Variants in ST8SIA1 observed in about 807,000 individuals in gnomAD.
ST8SIA1 encodes the protein alpha-N-acetylneuraminide alpha-2,8-sialyltransferase.
A neutral mutation model predicts 35.9 loss-of-function variants in ST8SIA1; 16 were observed. The observed-to-expected ratio is 0.45, with a 90% CI of 0.30 to 0.68. The LOEUF is 0.68. Ranked by LOEUF, ST8SIA1 falls within the 30% of genes least tolerant of loss-of-function variation. The pLI, the probability that ST8SIA1 is intolerant of heterozygous loss-of-function variation, is 0.09. For missense variants in ST8SIA1, 383 were observed against 453.6 expected, an observed-to-expected ratio of 0.84 and a Z score of 1.41; for synonymous variants, 170 against 169.6, an observed-to-expected ratio of 1.00 and a Z score of -0.02.
At chr12:22,325,368 G>A in intron 1 of ST8SIA1, 1 of 694,570 alleles carries the variant, frequency 1.4e-6, no homozygotes, top group African/African-American at 1.8e-5. Flanking sequence ...AGAATGTGTG[G>A]CTCTGAATTC....
chr12:22,323,851 G>C (rs1866637508), intron 1 of ST8SIA1, among the ~76,000 whole-genome samples: 1 of 152,124 alleles, frequency 6.6e-6, no homozygotes, highest in Non-Finnish European at 1.5e-5. Context: ...CACCTGTCAG[G>C]GTTGGGGTGA....
At chr12:22,287,960 G>A (rs571159654) in intron 1 of ST8SIA1, among the ~76,000 whole-genome samples, 4 of 152,266 alleles carry the variant, frequency 2.6e-5, no homozygotes, top group South Asian at 2.1e-4. Context: ...GTTTGACACC[G>A]TGATGAGCTC....
chr12:22,332,170 G>A (rs1379562751), intron 1 of ST8SIA1, among the ~76,000 whole-genome samples: 3 of 152,158 alleles, frequency 2.0e-5, no homozygotes, highest in Non-Finnish European at 4.4e-5. Flanking sequence ...AACTTTGAGG[G>A]ATATGTGTTT....
At chr12:22,270,796 T>C (rs139720403) in intron 2 of ST8SIA1, among the ~76,000 whole-genome samples, 2 of 152,344 alleles carry the variant, frequency 1.3e-5, no homozygotes, top group South Asian at 2.1e-4. Flanking sequence ...TTGTACCCCA[T>C]AAATTTACAC....
At chr12:22,216,514 C>T (rs1865235191) in intron 4 of ST8SIA1, among the ~76,000 whole-genome samples, 1 of 152,200 alleles carries the variant, frequency 6.6e-6, no homozygotes, top group Non-Finnish European at 1.5e-5. Flanking sequence ...CAGAACTCAA[C>T]TCATGGTATC....
At chr12:22,251,837 G>A (rs1188240103) in intron 3 of ST8SIA1, among the ~76,000 whole-genome samples, 1 of 152,160 alleles carries the variant, frequency 6.6e-6, no homozygotes, top group Non-Finnish European at 1.5e-5. Context: ...AGTGGGAAAT[G>A]GGCTTGAGAG....
chr12:22,329,585 T>C (rs938458384), intron 1 of ST8SIA1, among the ~76,000 whole-genome samples: 3 of 152,126 alleles, frequency 2.0e-5, no homozygotes, highest in Non-Finnish European at 4.4e-5. Flanking sequence ...TTACAAACAC[T>C]AAACTTATAT....
At chr12:22,260,881 T>TG (rs1360290164) in intron 2 of ST8SIA1, among the ~76,000 whole-genome samples, 4 of 147,208 alleles carry the variant, frequency 2.7e-5, no homozygotes, top group Non-Finnish European at 4.5e-5. Flanking sequence ...GTTGTTTTTT[T>TG]TTTTTTTTTT....
chr12:22,325,619 A>G, intron 1 of ST8SIA1: 1 of 625,318 alleles, frequency 1.6e-6, no homozygotes, highest in African/African-American at 1.8e-5. Flanking sequence ...TGTGGAGGAT[A>G]CATTCCAAGA....
chr12:22,252,311 A>C (rs184796066), intron 3 of ST8SIA1, among the ~76,000 whole-genome samples: 72 of 152,318 alleles, frequency 4.7e-4, no homozygotes, highest in Non-Finnish European at 7.8e-4. Flanking sequence ...GACATACGAC[A>C]TGCTTTCTAA....
chr12:22,316,803 C>A (rs563573286), intron 1 of ST8SIA1, among the ~76,000 whole-genome samples: 1 of 152,072 alleles, frequency 6.6e-6, no homozygotes, highest in Non-Finnish European at 1.5e-5. Context: ...GGCTAAGACA[C>A]ATGAATGTGC....
intron 2 of ST8SIA1, among the ~76,000 whole-genome samples, chr12:22,275,057 A>G (rs3819866): frequency 0.092 from 14,084 of 152,262 alleles, 784 homozygotes; most frequent in East Asian, 0.15. Context: ...CAACACTGCC[A>G]GGTGGTTGAG....
At chr12:22,244,190 A>G (rs970700852) in intron 4 of ST8SIA1, among the ~76,000 whole-genome samples, 9 of 152,182 alleles carry the variant, frequency 5.9e-5, no homozygotes, top group African/African-American at 2.2e-4. Context: ...TCCATCACTT[A>G]GCATACTCTT....
In ST8SIA1 at chr12:22,317,144, C is replaced by T. The variant is rs377160584; in HGVS notation, c.236+16853G>A. On this transcript the variant is annotated intron_variant, in intron 1 of 4. Transcript: ENST00000396037. ...AAAAGAAAAGGAGAAACATTATGGT[C>T]AACTCTAAAATCATTTTACATTTTA... 1.6e-3 allele frequency among the ~76,000 whole-genome samples: 245 copies of T among 152,174 alleles called. 1 individual carries two copies. The highest frequency in any genetic ancestry group is 5.7e-3 in the African/African-American group (237 of 41,518).
chr12:22,327,937 C>A (rs956828452), intron 1 of ST8SIA1, among the ~76,000 whole-genome samples: 1 of 152,152 alleles, frequency 6.6e-6, no homozygotes, highest in Non-Finnish European at 1.5e-5. Flanking sequence ...TTCTTAAATC[C>A]TGTCGATAGG....
chr12:22,218,410 G>C (rs2120655248), intron 4 of ST8SIA1, among the ~76,000 whole-genome samples: 1 of 151,700 alleles, frequency 6.6e-6, no homozygotes, highest in South Asian at 2.1e-4. Context: ...TTGAGGTCAG[G>C]AGTTCCAGAC....
chr12:22,291,983 T>A (rs146777990), intron 1 of ST8SIA1, among the ~76,000 whole-genome samples: 1 of 152,280 alleles, frequency 6.6e-6, no homozygotes, highest in African/African-American at 2.4e-5. Flanking sequence ...TAAAGCAGAA[T>A]AACAGAGTTG....
intron 2 of ST8SIA1, among the ~76,000 whole-genome samples, chr12:22,266,510 T>C (rs954084590): frequency 6.6e-6 from 1 of 151,238 alleles, no homozygotes; most frequent in African/African-American, 2.4e-5. Flanking sequence ...AAAATATATA[T>C]ATATATAGGC....
intron 4 of ST8SIA1, among the ~76,000 whole-genome samples, chr12:22,231,223 A>G (rs1364265469): frequency 1.3e-5 from 2 of 151,072 alleles, no homozygotes; most frequent in East Asian, 3.9e-4. Context: ...AATGAATTAA[A>G]TGAACAATGT....
Sources: allele counts gnomAD v4.1 joint callset (sites outside exome capture counted in the v4.1 genomes callset), GRCh38; gene constraint gnomAD v4.1.1; transcripts MANE v1.5; gene names NCBI Gene and HGNC (gene_info 2026-07-23, HGNC 2026-07-21).